The following PRRG1 variants were observed in gnomAD, a reference collection of about 807,000 sequenced individuals.
PRRG1 encodes the protein transmembrane gamma-carboxyglutamic acid protein 1.
PRRG1 carries 5 observed loss-of-function variants against 11.8 expected under a neutral mutation model. The ratio of observed to expected loss-of-function variants is 0.42; its 90% CI spans 0.22 to 0.89. The LOEUF (loss-of-function observed/expected upper bound fraction) is 0.89, where lower values mean the gene tolerates loss of function less well. Ranked by LOEUF, PRRG1 falls within the 40% of genes least tolerant of loss-of-function variation. The pLI is 0.28. For missense variants in PRRG1, 155 were observed against 166.1 expected (o/e 0.93, Z 0.37); for synonymous variants, 66 against 60.4 (o/e 1.09, Z -0.43).
At chrX:37,421,187 AT>A (rs1478767571) in intron 2 of PRRG1, among the ~76,000 whole-genome samples, 2 of 111,779 alleles carry the variant, frequency 1.8e-5, no homozygotes, top group Admixed American at 9.6e-5. Flanking sequence ...AAGTGGTTAC[AT>A]TTTTTTGAAT....
intron 1 of PRRG1, among the ~76,000 whole-genome samples, chrX:37,401,918 C>T (rs1474741464): frequency 2.7e-5 from 3 of 110,394 alleles, no homozygotes; most frequent in Non-Finnish European, 5.7e-5. Context: ...CCTAGGAATC[C>T]AACTTACAAG....
chrX:37,455,314 G>A lies in PRRG1; in HGVS notation c.*1693G>A, dbSNP rs781799212. On this transcript the variant is annotated 3_prime_UTR_variant, in exon 4 of 4. Transcript: ENST00000378628. ...GGGCTTTACAAGGATCAAATAAGATGGTGTGTATGTAAGAAATTTGTAAAA... is the reference window on the plus strand; with the variant it reads ...GGGCTTTACAAGGATCAAATAAGATAGTGTGTATGTAAGAAATTTGTAAAA... The A allele has an allele frequency of 8.9e-5, 10 of 112,260 alleles. No individual in the cohort carries two copies. Among genetic ancestry groups the A allele is most frequent in the Non-Finnish European group, 1.9e-4 (10 of 53,295 alleles). 9.3% of individuals were successfully genotyped at this position (112,260 alleles called of 1,213,427 possible).
chrX:37,379,107 C>T (rs1931075055), intron 1 of PRRG1, among the ~76,000 whole-genome samples: 1 of 92,079 alleles, frequency 1.1e-5, no homozygotes, highest in Non-Finnish European at 2.1e-5. Context: ...AGTCTTTTGG[C>T]CTTCTGCTCC....
intron 3 of PRRG1, among the ~76,000 whole-genome samples, chrX:37,438,110 G>A (rs782117563): frequency 9.1e-6 from 1 of 110,440 alleles, no homozygotes; most frequent in African/African-American, 3.3e-5. Context: ...TACTCGAGAG[G>A]GGGAAGCAGG....
At chrX:37,432,148 C>T (rs1348606161) in intron 3 of PRRG1, among the ~76,000 whole-genome samples, 2 of 104,594 alleles carry the variant, frequency 1.9e-5, no homozygotes, top group Admixed American at 1.0e-4. Context: ...AGTGCAGTGG[C>T]GCAATCTCAG....
At position 37,378,392 on chromosome X, in the gene PRRG1, T is replaced by C. The variant is rs782614687; in HGVS notation, c.-41-27817T>C. On this transcript the variant is annotated intron_variant, in intron 1 of 3. Transcript: ENST00000378628. ...AAATTAGCAGCATGAGATATTAGAA[T>C]CCTATAATGCTTATATGAAGTTTGG... 2.7e-5 allele frequency among the ~76,000 whole-genome samples: 3 copies of C among 112,040 alleles called. No homozygotes were observed. The South Asian group carries it at 1.1e-3, about 42-fold the overall frequency.
At chrX:37,425,757 A>T in intron 2 of PRRG1, 83 bp from the exon 3 acceptor site, 1 of 881,358 alleles carries the variant, frequency 1.1e-6, no homozygotes, top group Non-Finnish European at 1.6e-6. Flanking sequence ...GATGTTGGCT[A>T]TGTTTTCTAA....
At chrX:37,427,997 C>T (rs1405019268) in intron 3 of PRRG1, among the ~76,000 whole-genome samples, 5 of 111,210 alleles carry the variant, frequency 4.5e-5, no homozygotes, top group Admixed American at 9.6e-5. Context: ...GAAGCAAAAG[C>T]GGAAACCCTC....
intron 1 of PRRG1, among the ~76,000 whole-genome samples, chrX:37,357,861 C>G (rs112365560): frequency 0.048 from 5,384 of 112,150 alleles, 308 homozygotes; most frequent in African/African-American, 0.16. Flanking sequence ...GCTTTTATTC[C>G]CACCAGCAGT....
rs782756578 is a variant in PRRG1 at position 37,453,458 on chromosome X, A to G, written c.494A>G (p.Asn165Ser). ...GATTCCGTCTCTACTCGCCTGTCCAATTGTGATCCCCCGCCAACCTATGAG... is the reference window on the plus strand; with the variant it reads ...GATTCCGTCTCTACTCGCCTGTCCAGTTGTGATCCCCCGCCAACCTATGAG... ...RSDSVSTRLS[N>S]CDPPPTYEEA... is the part of the protein sequence containing the mutation. The change falls in exon 4 of 4, where the codon AAT (asparagine) becomes AGT (serine). Residue 165 changes from asparagine (N) to serine (S), a missense_variant. Transcript: ENST00000378628. The G allele has an allele frequency of 8.3e-6, 10 of 1,210,411 alleles. No homozygotes were observed. The South Asian group carries it at 1.6e-4, about 19-fold the overall frequency.
At chrX:37,355,399 G>A (rs782544527) in intron 1 of PRRG1, among the ~76,000 whole-genome samples, 1 of 111,715 alleles carries the variant, frequency 9.0e-6, no homozygotes, top group South Asian at 3.8e-4. Context: ...CAGCAATGTT[G>A]GGCAGAATAT....
chrX:37,402,207 G>A (rs1260279824), intron 1 of PRRG1, among the ~76,000 whole-genome samples: 98 of 111,458 alleles, frequency 8.8e-4, no homozygotes, highest in Non-Finnish European at 1.6e-3. Flanking sequence ...AACAAAGCTG[G>A]AGGCATCACA....
intron 1 of PRRG1, among the ~76,000 whole-genome samples, chrX:37,402,244 G>A (rs1317786076): frequency 8.1e-5 from 9 of 111,380 alleles, no homozygotes; most frequent in African/African-American, 3.0e-4. Flanking sequence ...TATACTACAA[G>A]GCTACAGTAC....
intron 1 of PRRG1, among the ~76,000 whole-genome samples, chrX:37,360,339 G>A (rs782109164): frequency 8.9e-6 from 1 of 111,966 alleles, no homozygotes; most frequent in African/African-American, 3.2e-5. Flanking sequence ...ATTGTGACAA[G>A]TTGTATTTTA....
At chrX:37,394,371 C>G (rs1277791642) in intron 1 of PRRG1, among the ~76,000 whole-genome samples, 1 of 111,465 alleles carries the variant, frequency 9.0e-6, no homozygotes, top group African/African-American at 3.3e-5. Context: ...TAGAGTATGC[C>G]ACAGGGCCCT....
chrX:37,420,972 C>T (rs782485731), intron 2 of PRRG1, among the ~76,000 whole-genome samples: 72 of 111,880 alleles, frequency 6.4e-4, no homozygotes, highest in Non-Finnish European at 1.3e-3. Context: ...TGAAGAACAT[C>T]CGTCATGTTC....
intron 3 of PRRG1, chrX:37,441,662 C>A: frequency 1.2e-6 from 1 of 800,659 alleles, no homozygotes; most frequent in Non-Finnish European, 1.5e-6. Context: ...CGGGACAATG[C>A]GGCCCTGGAG....
chrX:37,394,485 A>C (rs1931650188), intron 1 of PRRG1, among the ~76,000 whole-genome samples: 1 of 112,025 alleles, frequency 8.9e-6, no homozygotes, highest in South Asian at 3.8e-4. Flanking sequence ...TATTATAGTC[A>C]TGTTGTGTCC....
chrX:37,377,073 C>T (rs1474327282), intron 1 of PRRG1, among the ~76,000 whole-genome samples: 3 of 110,789 alleles, frequency 2.7e-5, no homozygotes, highest in South Asian at 3.8e-4. Context: ...TTGTTTATCT[C>T]GGAAATAAGA....
Sources: gnomAD v4.1 joint callset for allele counts (sites outside exome capture counted in the v4.1 genomes callset) on GRCh38, gnomAD v4.1.1 for gene constraint, MANE v1.5 for transcripts, NCBI Gene and HGNC (gene_info 2026-07-23, HGNC 2026-07-21) for gene names.